RALGAPA2: variants seen among roughly 807,000 people sequenced by gnomAD.
RALGAPA2 encodes the protein ral GTPase-activating protein subunit alpha-2.
A neutral mutation model predicts 230.4 loss-of-function variants in RALGAPA2; 139 were observed. The observed-to-expected ratio is 0.60, with a 90% CI of 0.53 to 0.69. The LOEUF is 0.69. Ranked by LOEUF, RALGAPA2 falls within the 30% of genes least tolerant of loss-of-function variation. The pLI is 0.00. For synonymous variants in RALGAPA2, 847 were observed against 837.8 expected, an observed-to-expected ratio of 1.01 and a Z score of -0.19; for missense variants, 2,163 against 2,276.0, an observed-to-expected ratio of 0.95 and a Z score of 1.01.
At chr20:20,568,673 T>C (rs561086243) in intron 23 of RALGAPA2, among the ~76,000 whole-genome samples, 9 of 152,350 alleles carry the variant, frequency 5.9e-5, no homozygotes, top group Non-Finnish European at 8.8e-5. Context: ...TGGTCACTAC[T>C]GACATAATTT....
At chr20:20,646,610 T>C (rs1440711092) in intron 4 of RALGAPA2, among the ~76,000 whole-genome samples, 3 of 152,164 alleles carry the variant, frequency 2.0e-5, no homozygotes, top group Admixed American at 1.3e-4. Flanking sequence ...ACCATAAATA[T>C]CCTTTGAATG....
Position 20,583,106 on chromosome 20 carries a change from T to A in RALGAPA2, c.2651A>T (p.Asp884Val). Residue 884 changes from aspartate (D) to valine (V), a missense_variant, in exon 20 of 40, where the codon GAT (aspartate) becomes GTT (valine). Asp to Val is a radical substitution (Grantham distance 152). Transcript: ENST00000202677. ...ELNTPTDVVA[D>V]ADARHWLQLS... Reference sequence around the variant, plus strand: ...TTGTAACCAATGACGGGCATCAGCATCAGCCACAACATCTGTGGGAGTATT... The same window carrying A: ...TTGTAACCAATGACGGGCATCAGCAACAGCCACAACATCTGTGGGAGTATT... 1 of 1,613,724 alleles carries A rather than the reference T, an allele frequency of 6.2e-7. No individual in the cohort carries two copies. The highest frequency in any genetic ancestry group is 8.5e-7 in the Non-Finnish European group (1 of 1,179,738).
intron 7 of RALGAPA2, among the ~76,000 whole-genome samples, chr20:20,638,029 G>A (rs1054174352): frequency 3.9e-5 from 6 of 152,110 alleles, no homozygotes; most frequent in African/African-American, 1.2e-4. Context: ...CAAAGGCTAC[G>A]ATAAACCAGA....
intron 36 of RALGAPA2, among the ~76,000 whole-genome samples, chr20:20,485,295 T>C (rs1386292249): frequency 6.6e-6 from 1 of 152,198 alleles, no homozygotes; most frequent in Non-Finnish European, 1.5e-5. Flanking sequence ...ATTAATATAG[T>C]TATTCCAGCT....
intron 23 of RALGAPA2, among the ~76,000 whole-genome samples, chr20:20,565,614 C>T (rs2064391230): frequency 6.6e-6 from 1 of 152,114 alleles, no homozygotes; most frequent in Admixed American, 6.5e-5. Context: ...TAGAATACTG[C>T]TCTATATATG....
intron 2 of RALGAPA2, 98 bp from the exon 3 acceptor site, chr20:20,676,386 C>T (rs1315350800): frequency 4.1e-6 from 3 of 732,370 alleles, no homozygotes; most frequent in Admixed American, 6.1e-5. Context: ...TAAGCCTCAA[C>T]ATACATTCAT....
intron 15 of RALGAPA2, among the ~76,000 whole-genome samples, chr20:20,603,995 GT>G (rs1178055857): frequency 6.6e-6 from 1 of 152,160 alleles, no homozygotes; most frequent in Non-Finnish European, 1.5e-5. Context: ...TGATTGAATT[GT>G]TTTTACCCTA....
At chr20:20,672,015 C>T (rs1280121061) in intron 3 of RALGAPA2, among the ~76,000 whole-genome samples, 1 of 152,220 alleles carries the variant, frequency 6.6e-6, no homozygotes, top group Non-Finnish European at 1.5e-5. Context: ...AAAGAAAAAA[C>T]TGCAGAATGC....
chr20:20,533,823 G>C (rs2063429395), intron 26 of RALGAPA2, among the ~76,000 whole-genome samples: 2 of 152,054 alleles, frequency 1.3e-5, no homozygotes, highest in South Asian at 4.1e-4. Flanking sequence ...AGTAAAAAAA[G>C]ATACCTATAG....
chr20:20,701,709 G>A (rs568914969), intron 1 of RALGAPA2, among the ~76,000 whole-genome samples: 2 of 151,924 alleles, frequency 1.3e-5, no homozygotes, highest in South Asian at 2.1e-4. Flanking sequence ...CAGCCTGGGC[G>A]ACAGAGCAGG....
intron 18 of RALGAPA2, among the ~76,000 whole-genome samples, chr20:20,585,185 T>C (rs1476067275): frequency 6.6e-6 from 1 of 152,216 alleles, no homozygotes; most frequent in African/African-American, 2.4e-5. Flanking sequence ...CTTACATCCA[T>C]CCAATTAAAT....
chr20:20,585,676 G>C (rs545575679), intron 18 of RALGAPA2, among the ~76,000 whole-genome samples: 1 of 152,314 alleles, frequency 6.6e-6, no homozygotes, highest in Non-Finnish European at 1.5e-5. Context: ...GAAGACAGGA[G>C]GGGATTCAAG....
chr20:20,392,777 A>C lies in RALGAPA2; in HGVS notation c.*512T>G. On this transcript the variant is annotated 3_prime_UTR_variant, in exon 40 of 40. Coordinates refer to ENST00000202677, the MANE Select transcript of RALGAPA2 (RefSeq NM_020343.4). The stretch of plus-strand genomic sequence containing the variant: ...AACTAGCAAAATCAATGCAGATCAG[A>C]TTCCTCAATTAGACAATTGTTTTGC... 1.1e-5 allele frequency: 2 copies of C among 182,880 alleles called. No homozygotes were observed. The highest frequency in any genetic ancestry group is 1.6e-4 in the East Asian group (1 of 6,084). The allele number at this position is 182,880 out of a possible 1,614,324, so 11.3% of individuals were successfully genotyped here.
chr20:20,441,674 T>C (rs542544882), intron 37 of RALGAPA2, among the ~76,000 whole-genome samples: 7 of 152,226 alleles, frequency 4.6e-5, no homozygotes, highest in South Asian at 4.2e-4. Flanking sequence ...AGCTGTAGAG[T>C]TGACATGTGC....
intron 37 of RALGAPA2, among the ~76,000 whole-genome samples, chr20:20,468,437 T>C (rs1203544303): frequency 9.9e-4 from 1 of 1,008 alleles, no homozygotes; most frequent in Non-Finnish European, 2.3e-3. Flanking sequence ...CACTCAGGAG[T>C]GTTTCTTTGT....
chr20:20,610,438 T>C (rs575070496), intron 14 of RALGAPA2, among the ~76,000 whole-genome samples: 1 of 152,302 alleles, frequency 6.6e-6, no homozygotes, highest in Non-Finnish European at 1.5e-5. Flanking sequence ...CCACATGAGA[T>C]GCAAGAAGCA....
chr20:20,476,038 T>C (rs1245711746), intron 36 of RALGAPA2, among the ~76,000 whole-genome samples: 1 of 152,186 alleles, frequency 6.6e-6, no homozygotes, highest in African/African-American at 2.4e-5. Context: ...AAGACATCTA[T>C]ATTGAAAACT....
intron 1 of RALGAPA2, among the ~76,000 whole-genome samples, chr20:20,697,934 C>T (rs1005100898): frequency 1.7e-4 from 26 of 152,164 alleles, no homozygotes; most frequent in Admixed American, 1.7e-3. Context: ...CCAAACGCTC[C>T]CTTAGACTGT....
At chr20:20,402,333 G>C (rs1403578129) in intron 38 of RALGAPA2, among the ~76,000 whole-genome samples, 1 of 152,244 alleles carries the variant, frequency 6.6e-6, no homozygotes, top group African/African-American at 2.4e-5. Context: ...AGTAAAAAAA[G>C]CTAGGGAGCC....
Sources: gnomAD v4.1 joint callset for allele counts (sites outside exome capture counted in the v4.1 genomes callset) on GRCh38, gnomAD v4.1.1 for gene constraint, MANE v1.5 for transcripts, NCBI Gene and HGNC (gene_info 2026-07-23, HGNC 2026-07-21) for gene names.